Variants in ZCCHC2 observed in about 807,000 individuals in gnomAD.
The protein encoded by ZCCHC2 is zinc finger CCHC-type containing 2, also known as zinc finger CCHC domain-containing protein 2.
In ZCCHC2, 39 loss-of-function variants were observed where a neutral mutation model predicts 103.6. The observed-to-expected ratio is 0.38, with a 90% CI of 0.29 to 0.49. ZCCHC2 has a LOEUF of 0.49. Ranked by LOEUF, ZCCHC2 falls within the 20% of genes least tolerant of loss-of-function variation. The pLI is 0.96. For synonymous variants in ZCCHC2, 687 were observed against 608.9 expected (o/e 1.13, Z -1.89); for missense variants, 1,483 against 1,491.0 (o/e 0.99, Z 0.09).
intron 2 of ZCCHC2, 96 bp from the exon 3 acceptor site, chr18:62,542,402 T>TG (rs2145498027): frequency 2.4e-6 from 2 of 820,334 alleles, no homozygotes; most frequent in Admixed American, 5.6e-5. Flanking sequence ...GTAGCTTAAT[T>TG]GTTAAGCACT....
At chr18:62,561,260 C>G (rs944638011) in intron 8 of ZCCHC2, among the ~76,000 whole-genome samples, 3 of 152,198 alleles carry the variant, frequency 2.0e-5, no homozygotes, top group Non-Finnish European at 2.9e-5. Context: ...TTACAAGATA[C>G]TCTTGCCACA....
At chr18:62,560,221 A>G (rs917590659) in intron 7 of ZCCHC2, 2 of 162,366 alleles carry the variant, frequency 1.2e-5, no homozygotes, top group Admixed American at 6.3e-5. Context: ...GGTGGTGTAC[A>G]TGGATGTTTG....
chr18:62,585,348 C>CTT (rs1314062135), exon 15 of ZCCHC2: 6 of 152,232 alleles, frequency 3.9e-5, no homozygotes, highest in African/African-American at 1.4e-4. Flanking sequence ...TTTTAAAGCT[C>CTT]TGACAGTCAC....
intron 1 of ZCCHC2, among the ~76,000 whole-genome samples, chr18:62,536,185 A>G (rs1016999818): frequency 1.3e-5 from 2 of 152,192 alleles, no homozygotes; most frequent in South Asian, 2.1e-4. Context: ...TGGCAAAACC[A>G]TCTAGACCAC....
chr18:62,524,351 C>T lies in ZCCHC2; in HGVS notation c.927C>T (p.Gly309=), dbSNP rs985668159. Residue 309 remains glycine, a synonymous_variant, in exon 1 of 14, where the codon GGC becomes GGT. Coordinates refer to ENST00000269499, the MANE Select transcript of ZCCHC2 (RefSeq NM_017742.6). ...AGGTAGAGCCGTGCAAGTTTGCCGG[C>T]CCCAGGGCCCAGGTAAGGCGCACGG... The part of the protein sequence containing the change: ...EVEVEPCKFA[G]PRAQNNSAHG... 1 of 1,525,522 alleles carries T rather than the reference C, an allele frequency of 6.6e-7. No homozygotes were observed. The highest frequency in any genetic ancestry group is 2.6e-5 in the East Asian group (1 of 39,008). The allele number at this position is 1,525,522 out of a possible 1,614,324, so 94.5% of individuals were successfully genotyped here.
chr18:62,523,857 C>G lies in ZCCHC2; in HGVS notation c.433C>G (p.Leu145Val). 6.5e-7 allele frequency: 1 copy of G among 1,544,692 alleles called. No individual in the cohort carries two copies. Among genetic ancestry groups the G allele is most frequent in the African/African-American group, 1.4e-5 (1 of 72,824 alleles). Residue 145 changes from leucine to valine, a missense_variant, in exon 1 of 14, where the codon CTG becomes GTG. Leu to Val is a conservative substitution (Grantham distance 32). This residue lies in a region of ZCCHC2 where 568 missense variants were observed against 525.1 expected (regional missense o/e 1.08). Transcript: ENST00000269499. ...CCTGGCGCGCAAGGACTACCACTAC[C>G]TGCGCGACTCGGAGGCCAAGGCCAA... ...EDLARKDYHY[L>V]RDSEAKANGL... is the part of the protein sequence containing the mutation.
chr18:62,529,857 A>G (rs982479617), intron 1 of ZCCHC2, among the ~76,000 whole-genome samples: 1 of 152,208 alleles, frequency 6.6e-6, no homozygotes, highest in Admixed American at 6.5e-5. Context: ...TCAACCAACT[A>G]TGGATCAAAA....
rs757692142 is a variant in ZCCHC2, at chr18:62,542,513, A to G, written c.1067A>G (p.Lys356Arg). The G allele has an allele frequency of 6.4e-7, 1 of 1,562,784 alleles. No homozygotes were observed. Among genetic ancestry groups the G allele is most frequent in the South Asian group, 1.2e-5 (1 of 84,716 alleles). The change falls in exon 3 of 14, where the codon AAG becomes AGG. Residue 356 changes from lysine to arginine, a missense_variant. Physicochemically the swap from Lys to Arg is conservative, Grantham distance 26. Coordinates refer to ENST00000269499, the MANE Select transcript of ZCCHC2 (RefSeq NM_017742.6). Reference protein sequence around the residue: ...RAQREAVHIEKIMLKGVQRKR... With the variant: ...RAQREAVHIERIMLKGVQRKR... ...TTTCTTTCAGCTGTACACATTGAGAAGATAATGTTGAAAGGAGTCCAGAGA... is the reference window on the plus strand; with the variant it reads ...TTTCTTTCAGCTGTACACATTGAGAGGATAATGTTGAAAGGAGTCCAGAGA...
intron 4 of ZCCHC2, among the ~76,000 whole-genome samples, chr18:62,549,424 C>T (rs1915569209): frequency 6.6e-6 from 1 of 152,220 alleles, no homozygotes; most frequent in African/African-American, 2.4e-5. Flanking sequence ...TGAATTGACT[C>T]AAAATACTTA....
intron 4 of ZCCHC2, among the ~76,000 whole-genome samples, chr18:62,545,565 T>C (rs902063164): frequency 1.3e-5 from 2 of 152,234 alleles, no homozygotes; most frequent in Admixed American, 1.3e-4. Flanking sequence ...ATCACCTGTT[T>C]CTTTTATACT....
chr18:62,552,569 C>T (rs1360726252), intron 5 of ZCCHC2: 3 of 152,010 alleles, frequency 2.0e-5, no homozygotes, highest in Admixed American at 2.0e-4. Context: ...TGGAAGGAGC[C>T]ATTTTCAAAA....
At chr18:62,538,862 G>A (rs376027221) in intron 1 of ZCCHC2, among the ~76,000 whole-genome samples, 45 of 152,282 alleles carry the variant, frequency 3.0e-4, no homozygotes, top group African/African-American at 1.0e-3. Context: ...GTTTACTGCA[G>A]ATTTGTAAAA....
At chr18:62,530,612 G>A (rs1914635077) in intron 1 of ZCCHC2, among the ~76,000 whole-genome samples, 2 of 152,204 alleles carry the variant, frequency 1.3e-5, no homozygotes, top group Non-Finnish European at 2.9e-5. Context: ...GGAAGGACAG[G>A]CAATTGAAAA....
At chr18:62,554,836 C>T (rs1464806880) in intron 5 of ZCCHC2, among the ~76,000 whole-genome samples, 2 of 152,136 alleles carry the variant, frequency 1.3e-5, no homozygotes, top group Non-Finnish European at 2.9e-5. Flanking sequence ...TTAATTTCAC[C>T]CATGTCTTCC....
chr18:62,573,402 G>A (rs1309109097), intron 12 of ZCCHC2, among the ~76,000 whole-genome samples: 1 of 152,126 alleles, frequency 6.6e-6, no homozygotes, highest in African/African-American at 2.4e-5. Context: ...AGTGTTGTTT[G>A]TATTTGCTGT....
intron 1 of ZCCHC2, among the ~76,000 whole-genome samples, chr18:62,537,656 A>G (rs986449601): frequency 1.1e-4 from 16 of 152,222 alleles, no homozygotes; most frequent in Admixed American, 1.0e-3. Context: ...TTGGATGTGT[A>G]CACCATATTT....
chr18:62,568,608 C>CT (rs199883008), intron 11 of ZCCHC2, among the ~76,000 whole-genome samples: 1,968 of 152,250 alleles, frequency 0.013, 45 homozygotes, highest in African/African-American at 0.045. Context: ...GAGGTAGCTG[C>CT]TTTTTTTAAA....
intron 7 of ZCCHC2, among the ~76,000 whole-genome samples, chr18:62,559,928 T>C (rs1401911555): frequency 1.3e-5 from 2 of 152,232 alleles, no homozygotes; most frequent in African/African-American, 4.8e-5. Context: ...ATTTACATTG[T>C]ACTAGGTATT....
Position 62,540,564 on chromosome 18 carries a change from T to A in ZCCHC2, c.1051+772T>A, listed in dbSNP as rs142239484. On this transcript the variant is annotated intron_variant, in intron 2 of 13. Transcript: ENST00000269499. The stretch of plus-strand genomic sequence containing the variant: ...TAATGACCACTTCTATTCAAGACGA[T>A]CACGGTACTCCTATCTTCCCAACTA... 5.5e-3 allele frequency among the ~76,000 whole-genome samples: 832 copies of A among 152,266 alleles called. 4 individuals are homozygous for A. Among genetic ancestry groups the A allele is most frequent in the African/African-American group, 7.2e-3 (301 of 41,552 alleles).
Sources: gnomAD v4.1 joint callset for allele counts (sites outside exome capture counted in the v4.1 genomes callset) on GRCh38, gnomAD v4.1.1 for gene constraint, gnomAD v4.1.1 regional missense constraint, MANE v1.5 for transcripts, NCBI Gene and HGNC (gene_info 2026-07-23, HGNC 2026-07-21) for gene names.